GRIA4: variants seen among roughly 807,000 people sequenced by gnomAD.
GRIA4 encodes glutamate receptor 4.
In GRIA4, 34 loss-of-function variants were observed where a neutral mutation model predicts 104.0. The ratio of observed to expected loss-of-function variants is 0.33; its 90% CI spans 0.25 to 0.44. The LOEUF (loss-of-function observed/expected upper bound fraction) is 0.44, where lower values mean the gene tolerates loss of function less well. GRIA4 is among the 20% of genes least tolerant of loss of function. The pLI is 1.00. For missense variants in GRIA4, 750 were observed against 1,096.5 expected, an observed-to-expected ratio of 0.68 and a Z score of 4.46; for synonymous variants, 386 against 381.9, an observed-to-expected ratio of 1.01 and a Z score of -0.13.
intron 14 of GRIA4, among the ~76,000 whole-genome samples, chr11:105,937,837 G>A (rs928669380): frequency 6.6e-6 from 1 of 152,184 alleles, no homozygotes; most frequent in African/African-American, 2.4e-5. Context: ...GGTGAGACCT[G>A]GAAAAAATGA....
At chr11:105,654,649 A>G (rs1226789726) in intron 3 of GRIA4, among the ~76,000 whole-genome samples, 3 of 152,164 alleles carry the variant, frequency 2.0e-5, no homozygotes, top group Admixed American at 6.5e-5. Flanking sequence ...AACTCACAAC[A>G]GCTACACCAA....
At position 105,656,278 on chromosome 11, in the gene GRIA4, C is replaced by T. The variant is rs542155227; in HGVS notation, c.247+43844C>T. On this transcript the variant is annotated intron_variant, in intron 3 of 16. Transcript: ENST00000282499. ...CAAAATGAGCAATGGGGAAAGGATT[C>T]CCTATTTAATAAATGGTGTTGGGAA... Among the ~76,000 whole-genome samples the T allele has an allele frequency of 5.3e-5, 8 of 152,150 alleles. No homozygotes were observed. The South Asian group carries it at 1.0e-3, about 20-fold the overall frequency.
chr11:105,839,950 G>C (rs1944335422), intron 4 of GRIA4, among the ~76,000 whole-genome samples: 1 of 151,844 alleles, frequency 6.6e-6, no homozygotes, highest in Non-Finnish European at 1.5e-5. Flanking sequence ...TATAGGTAAA[G>C]GAAAAGTAGG....
At chr11:105,910,147 C>A (rs1397116523) in intron 9 of GRIA4, among the ~76,000 whole-genome samples, 2 of 152,122 alleles carry the variant, frequency 1.3e-5, no homozygotes, top group African/African-American at 2.4e-5. Context: ...AAATAATGCA[C>A]CGTGCTCATA....
At chr11:105,772,345 A>G (rs1469997164) in intron 4 of GRIA4, among the ~76,000 whole-genome samples, 1 of 152,174 alleles carries the variant, frequency 6.6e-6, no homozygotes, top group African/African-American at 2.4e-5. Flanking sequence ...TGTTCCATAG[A>G]TTGAGGTCTG....
At chr11:105,786,654 G>T (rs974002992) in intron 4 of GRIA4, among the ~76,000 whole-genome samples, 3 of 152,090 alleles carry the variant, frequency 2.0e-5, no homozygotes, top group Admixed American at 2.0e-4. Context: ...CCCCAGAAAG[G>T]TTTTTTATTA....
At chr11:105,651,724 C>A (rs1951691689) in intron 3 of GRIA4, among the ~76,000 whole-genome samples, 1 of 151,804 alleles carries the variant, frequency 6.6e-6, no homozygotes, top group African/African-American at 2.4e-5. Flanking sequence ...CTTGAGGTTC[C>A]ATTACTTTGG....
At chr11:105,817,765 C>T (rs1253280658) in intron 4 of GRIA4, among the ~76,000 whole-genome samples, 6 of 151,980 alleles carry the variant, frequency 3.9e-5, no homozygotes, top group Non-Finnish European at 8.8e-5. Context: ...TCTAATTAAT[C>T]TTACATAGTA....
intron 9 of GRIA4, among the ~76,000 whole-genome samples, chr11:105,907,213 A>C (rs1947070930): frequency 6.6e-6 from 1 of 152,212 alleles, no homozygotes; most frequent in Non-Finnish European, 1.5e-5. Flanking sequence ...AGAGAAACTT[A>C]AGGAGTAAGT....
At chr11:105,704,553 T>C (rs1438742578) in intron 3 of GRIA4, among the ~76,000 whole-genome samples, 2 of 151,918 alleles carry the variant, frequency 1.3e-5, no homozygotes, top group African/African-American at 4.8e-5. Flanking sequence ...AAATAGAGGC[T>C]TTTGAAAGGT....
chr11:105,824,062 C>T (rs1180604392), intron 4 of GRIA4, among the ~76,000 whole-genome samples: 1 of 152,062 alleles, frequency 6.6e-6, no homozygotes. Context: ...CCAGAAGAAA[C>T]CAAACCTGCT....
chr11:105,636,915 T>A (rs913163584), intron 3 of GRIA4, among the ~76,000 whole-genome samples: 3 of 152,210 alleles, frequency 2.0e-5, no homozygotes, highest in Admixed American at 6.5e-5. Flanking sequence ...CTGATGTGTT[T>A]GAATTTTACC....
At chr11:105,798,959 T>C (rs1254146930) in intron 4 of GRIA4, among the ~76,000 whole-genome samples, 1 of 152,066 alleles carries the variant, frequency 6.6e-6, no homozygotes, top group Non-Finnish European at 1.5e-5. Context: ...AGGAAAGTTA[T>C]TAGTATTAAG....
At chr11:105,897,297 A>T (rs912416438) in intron 6 of GRIA4, among the ~76,000 whole-genome samples, 1 of 152,104 alleles carries the variant, frequency 6.6e-6, no homozygotes, top group Non-Finnish European at 1.5e-5. Context: ...TTTATCAGAC[A>T]TAGTAGTCTT....
chr11:105,820,974 C>T (rs569498536), intron 4 of GRIA4, among the ~76,000 whole-genome samples: 10 of 152,168 alleles, frequency 6.6e-5, no homozygotes, highest in Admixed American at 3.3e-4. Context: ...GAGGCCTGAA[C>T]GTTTATTAGT....
chr11:105,652,808 A>T (rs918476194), intron 3 of GRIA4, among the ~76,000 whole-genome samples: 2 of 152,166 alleles, frequency 1.3e-5, no homozygotes, highest in African/African-American at 4.8e-5. Flanking sequence ...CTCTCCACAT[A>T]CACTATGCTT....
intron 3 of GRIA4, among the ~76,000 whole-genome samples, chr11:105,693,669 ATTTC>A (rs1407256212): frequency 6.6e-6 from 1 of 152,092 alleles, no homozygotes; most frequent in Non-Finnish European, 1.5e-5. Context: ...AAGTATTCAT[ATTTC>A]TTTCTTTCCT....
intron 4 of GRIA4, among the ~76,000 whole-genome samples, chr11:105,775,805 T>A (rs1472969017): frequency 1.3e-5 from 2 of 152,046 alleles, no homozygotes; most frequent in Non-Finnish European, 1.5e-5. Flanking sequence ...CACCCAACTT[T>A]ATCAAGCATT....
At chr11:105,830,453 C>T (rs901082574) in intron 4 of GRIA4, among the ~76,000 whole-genome samples, 17 of 152,092 alleles carry the variant, frequency 1.1e-4, no homozygotes, top group African/African-American at 4.1e-4. Context: ...CCTGGAGGCT[C>T]CACTTAAGAT....
Sources: gnomAD v4.1 joint callset for allele counts (sites outside exome capture counted in the v4.1 genomes callset) on GRCh38, gnomAD v4.1.1 for gene constraint, MANE v1.5 for transcripts, NCBI Gene and HGNC (gene_info 2026-07-23, HGNC 2026-07-21) for gene names.